Variants in PLXNA4 observed in about 807,000 individuals in gnomAD.
PLXNA4 encodes the protein plexin-A4.
A neutral mutation model predicts 191.8 loss-of-function variants in PLXNA4; 44 were observed. The observed-to-expected ratio is 0.23, with a 90% CI of 0.18 to 0.29. The LOEUF is 0.29. Ranked by LOEUF, PLXNA4 falls within the 10% of genes least tolerant of loss-of-function variation. PLXNA4 has a pLI of 1.00. For missense variants in PLXNA4, 1,800 were observed against 2,488.8 expected (o/e 0.72, Z 5.89); for synonymous variants, 1,082 against 1,009.5 (o/e 1.07, Z -1.36).
At chr7:132,538,686 T>A (rs1040640306) in intron 1 of PLXNA4, among the ~76,000 whole-genome samples, 47 of 152,230 alleles carry the variant, frequency 3.1e-4, no homozygotes, top group Admixed American at 2.9e-3. Context: ...GGGTATCATA[T>A]TATGGCTGGA....
Position 132,212,196 on chromosome 7 carries a change from G to A in PLXNA4, c.2098-1053C>T, listed in dbSNP as rs184585066. On this transcript the variant is annotated intron_variant, in intron 9 of 31. Coordinates refer to ENST00000321063, the MANE Select transcript of PLXNA4 (RefSeq NM_020911.2). ...GCAGGTTGATCATCAAAAGCATGAC[G>A]CACGTGTTCTTTCTGATGGTGCTTT... is the stretch of plus-strand genomic sequence containing the variant. 9.2e-5 allele frequency among the ~76,000 whole-genome samples: 14 copies of A among 152,274 alleles called. No individual in the cohort carries two copies. In the East Asian group the frequency reaches 1.2e-3, roughly 13 times the overall value.
At chr7:132,598,782 G>C (rs1222015039) in intron 2 of PLXNA4, among the ~76,000 whole-genome samples, 3 of 152,126 alleles carry the variant, frequency 2.0e-5, no homozygotes, top group African/African-American at 7.2e-5. Flanking sequence ...CCTGAATTTT[G>C]ATATGATTAT....
At chr7:132,459,218 G>C (rs1437456880) in intron 3 of PLXNA4, among the ~76,000 whole-genome samples, 1 of 152,194 alleles carries the variant, frequency 6.6e-6, no homozygotes, top group African/African-American at 2.4e-5. Flanking sequence ...CCCCTGAGCA[G>C]ACAGTTTTCT....
At chr7:132,160,853 C>T (rs917282818) in intron 24 of PLXNA4, among the ~76,000 whole-genome samples, 7 of 152,172 alleles carry the variant, frequency 4.6e-5, no homozygotes, top group East Asian at 1.9e-4. Flanking sequence ...GGGCTCTGGG[C>T]ACCTGCCTTT....
intron 3 of PLXNA4, among the ~76,000 whole-genome samples, chr7:132,435,128 C>T (rs972547692): frequency 5.3e-5 from 8 of 152,256 alleles, no homozygotes; most frequent in East Asian, 1.9e-4. Context: ...ATGTTTGCCT[C>T]GCCTCGGGCT....
intron 20 of PLXNA4, among the ~76,000 whole-genome samples, chr7:132,178,166 G>T (rs997270356): frequency 6.6e-6 from 1 of 152,140 alleles, no homozygotes; most frequent in Admixed American, 6.5e-5. Context: ...CAGCCCTACA[G>T]CCTTACCTTC....
intron 25 of PLXNA4, 41 bp from the exon 26 acceptor site, chr7:132,148,687 C>G: frequency 3.1e-6 from 5 of 1,613,098 alleles, no homozygotes; most frequent in Non-Finnish European, 4.2e-6. Flanking sequence ...GCCCTATGAC[C>G]CCTCTTGTGG....
At position 132,214,376 on chromosome 7, in the gene PLXNA4, G is replaced by T. The variant is rs555283441; in HGVS notation, c.2098-3233C>A. 4.6e-5 allele frequency among the ~76,000 whole-genome samples: 7 copies of T among 152,278 alleles called. No homozygotes were observed. In the South Asian group the frequency reaches 1.5e-3, roughly 32 times the overall value. On this transcript the variant is annotated intron_variant, in intron 9 of 31. Coordinates refer to ENST00000321063, the MANE Select transcript of PLXNA4 (RefSeq NM_020911.2). ...GCCTAGTTTGCATATAAAAAGGTTGGCAGCTCTGAGAGTAAGTTCATTAAT... is the reference window on the plus strand; with the variant it reads ...GCCTAGTTTGCATATAAAAAGGTTGTCAGCTCTGAGAGTAAGTTCATTAAT...
intron 1 of PLXNA4, among the ~76,000 whole-genome samples, chr7:132,555,337 T>G (rs1012450806): frequency 4.6e-5 from 7 of 152,184 alleles, no homozygotes; most frequent in Non-Finnish European, 8.8e-5. Flanking sequence ...CTGCTCTTCT[T>G]CCCTTCCCAT....
chr7:132,314,444 G>A lies in PLXNA4; in HGVS notation c.1372-16222C>T, dbSNP rs540796569. ...TCCCCTTGGGTCAGAGCGTTTAGTCGGCCTCATGCCAATGCCCATGACCGG... is the reference window on the plus strand; with the variant it reads ...TCCCCTTGGGTCAGAGCGTTTAGTCAGCCTCATGCCAATGCCCATGACCGG... On this transcript the variant is annotated intron_variant, in intron 3 of 31. Transcript: ENST00000321063. Among the ~76,000 whole-genome samples the A allele has an allele frequency of 3.3e-5, 5 of 152,216 alleles. No individual in the cohort carries two copies. The South Asian group carries it at 1.0e-3, about 32-fold the overall frequency.
At chr7:132,628,432 T>C (rs1803425790) in intron 2 of PLXNA4, among the ~76,000 whole-genome samples, 1 of 152,070 alleles carries the variant, frequency 6.6e-6, no homozygotes. Flanking sequence ...TGAAAATTCA[T>C]ATTTTCTGTT....
At chr7:132,274,576 C>A (rs543770274) in intron 4 of PLXNA4, among the ~76,000 whole-genome samples, 1 of 152,168 alleles carries the variant, frequency 6.6e-6, no homozygotes, top group African/African-American at 2.4e-5. Flanking sequence ...ACCTCATCAT[C>A]TCTCATTTCT....
chr7:132,204,832 G>A (rs998909914), intron 10 of PLXNA4, among the ~76,000 whole-genome samples: 8 of 152,282 alleles, frequency 5.3e-5, no homozygotes, highest in East Asian at 1.9e-4. Context: ...CCTGAGTTAC[G>A]GAATGTGCTC....
chr7:132,409,448 T>C (rs1412059760), intron 3 of PLXNA4, among the ~76,000 whole-genome samples: 2 of 152,224 alleles, frequency 1.3e-5, no homozygotes, highest in Non-Finnish European at 2.9e-5. Flanking sequence ...GATGGTCTCA[T>C]GGTTTCCAGT....
At chr7:132,323,864 G>A (rs547609832) in intron 3 of PLXNA4, among the ~76,000 whole-genome samples, 6 of 152,186 alleles carry the variant, frequency 3.9e-5, no homozygotes, top group South Asian at 4.2e-4. Context: ...CAGCTTCCTC[G>A]TCTGGAAGTG....
intron 9 of PLXNA4, among the ~76,000 whole-genome samples, chr7:132,211,552 T>C (rs767127144): frequency 1.5e-4 from 23 of 152,282 alleles, no homozygotes; most frequent in Non-Finnish European, 2.9e-4. Context: ...GCACAGACCA[T>C]GTGAGAAGCT....
intron 1 of PLXNA4, among the ~76,000 whole-genome samples, chr7:132,575,925 G>A (rs1451756043): frequency 6.6e-6 from 1 of 152,132 alleles, no homozygotes; most frequent in South Asian, 2.1e-4. Flanking sequence ...ATATGCGTCC[G>A]AATATCTGTG....
intron 2 of PLXNA4, among the ~76,000 whole-genome samples, chr7:132,496,450 G>A (rs1340002864): frequency 3.9e-5 from 6 of 152,106 alleles, no homozygotes; most frequent in Non-Finnish European, 5.9e-5. Context: ...TTACCAGGGT[G>A]GAATGCAGTG....
intron 3 of PLXNA4, among the ~76,000 whole-genome samples, chr7:132,351,536 C>T (rs1291029216): frequency 1.3e-5 from 2 of 152,106 alleles, no homozygotes; most frequent in African/African-American, 4.8e-5. Flanking sequence ...GAGGGGAGAC[C>T]CAAGGCCCAG....
Sources: allele counts gnomAD v4.1 joint callset (sites outside exome capture counted in the v4.1 genomes callset), GRCh38; gene constraint gnomAD v4.1.1; transcripts MANE v1.5; gene names NCBI Gene and HGNC (gene_info 2026-07-23, HGNC 2026-07-21).